The following RAB3GAP2 variants were observed in gnomAD, a reference collection of about 807,000 sequenced individuals.
RAB3GAP2 encodes the protein rab3 GTPase-activating protein non-catalytic subunit.
In RAB3GAP2, 87 loss-of-function variants were observed where a neutral mutation model predicts 185.3. The ratio of observed to expected loss-of-function variants is 0.47; its 90% CI spans 0.39 to 0.56. The LOEUF (loss-of-function observed/expected upper bound fraction) is 0.56. RAB3GAP2 is among the 20% of genes least tolerant of loss of function. RAB3GAP2 has a pLI of 0.00. For missense variants in RAB3GAP2, 1,492 were observed against 1,638.2 expected, an observed-to-expected ratio of 0.91 and a Z score of 1.54; for synonymous variants, 554 against 576.1, an observed-to-expected ratio of 0.96 and a Z score of 0.55.
chr1:220,168,430 T>C (rs183927852), intron 24 of RAB3GAP2, among the ~76,000 whole-genome samples: 267 of 150,404 alleles, frequency 1.8e-3, no homozygotes, highest in Admixed American at 5.0e-3. Flanking sequence ...AGAGTTTCGC[T>C]CTTGTTGTCC....
At position 220,171,958 on chromosome 1, in the gene RAB3GAP2, G is replaced by A. The variant is rs372012432; in HGVS notation, c.2508C>T (p.Ala836=). The change falls in exon 23 of 35, where the codon GCC becomes GCT. Residue 836 remains alanine, a synonymous_variant. Coordinates refer to ENST00000358951, the MANE Select transcript of RAB3GAP2 (RefSeq NM_012414.4). ...TACIQSENNG[A]ALLSAHVGHS... ...GCCCAACATGCGCAGACAACAGAGC[G>A]GCTCCATTGTTCTCAGACTGAATAC... 22 of 1,614,032 alleles carry A rather than the reference G, an allele frequency of 1.4e-5. No individual in the cohort carries two copies. The highest frequency in any genetic ancestry group is 6.6e-5 in the South Asian group (6 of 91,068).
chr1:220,183,558 C>G (rs938552921), intron 19 of RAB3GAP2, among the ~76,000 whole-genome samples: 3 of 151,850 alleles, frequency 2.0e-5, no homozygotes, highest in African/African-American at 7.3e-5. Context: ...TTGGCAAATG[C>G]TAGAATTTTA....
In RAB3GAP2 at chr1:220,151,269, T is replaced by G. The variant is rs748706137; in HGVS notation, c.4164A>C (p.Ile1388=). 19 of 1,613,890 alleles carry G rather than the reference T, an allele frequency of 1.2e-5. No individual in the cohort carries two copies. The highest frequency in any genetic ancestry group is 1.4e-5 in the Non-Finnish European group (17 of 1,179,972). Residue 1388 remains isoleucine, a synonymous_variant, in exon 35 of 35, where the codon ATA becomes ATC. Transcript: ENST00000358951. The part of the protein sequence containing the change: ...ALHLIEAVEA[I]SLPSL ...GTAAGTGTCATAAAGAAGGAAGAGA[T>G]ATGGCTTCCACAGCTTCAATGAGGT...
chr1:220,186,799 T>C (rs1658515603), intron 17 of RAB3GAP2, among the ~76,000 whole-genome samples: 1 of 152,178 alleles, frequency 6.6e-6, no homozygotes, highest in South Asian at 2.1e-4. Flanking sequence ...TTTTGCATTA[T>C]GCTGGTTTCC....
At chr1:220,195,695 C>A (rs78536292) in intron 10 of RAB3GAP2, among the ~76,000 whole-genome samples, 4 of 152,026 alleles carry the variant, frequency 2.6e-5, no homozygotes, top group African/African-American at 9.7e-5. Flanking sequence ...GGATTTCACA[C>A]CTACACATAA....
rs768777475 is a variant in RAB3GAP2, at chr1:220,167,497, A to G, written c.2980+5T>C. The G allele has an allele frequency of 6.2e-7, 1 of 1,614,118 alleles. No individual in the cohort carries two copies. Among genetic ancestry groups the G allele is most frequent in the African/African-American group, 1.3e-5 (1 of 75,048 alleles). ...ATTTCATATTTCTCATTATTTGTGT[A>G]TCACCTGGTATGGCTCCTAAGTCCA... On this transcript the variant is annotated splice_donor_5th_base_variant and intron_variant, in intron 25 of 34. Transcript: ENST00000358951.
Position 220,153,215 on chromosome 1 carries a change from G to A in RAB3GAP2, c.3837C>T (p.Tyr1279=), listed in dbSNP as rs1296674810. 1.2e-6 allele frequency: 2 copies of A among 1,613,676 alleles called. No homozygotes were observed. Among genetic ancestry groups the A allele is most frequent in the Non-Finnish European group, 1.7e-6 (2 of 1,179,716 alleles). The change falls in exon 33 of 35, where the codon TAC becomes TAT. Residue 1279 remains tyrosine, a synonymous_variant. Coordinates refer to ENST00000358951, the MANE Select transcript of RAB3GAP2 (RefSeq NM_012414.4). ...CTCCTAAGTGGTCAACTCCATAGTTGTATAGTTCCCCCACATAATGCCTTC... is the reference window on the plus strand; with the variant it reads ...CTCCTAAGTGGTCAACTCCATAGTTATATAGTTCCCCCACATAATGCCTTC... ...VVRRHYVGEL[Y]NYGVDHLGEE... is the part of the protein sequence containing the mutation.
At chr1:220,210,327 GGAGA>G in intron 7 of RAB3GAP2, 57 bp downstream of exon 7, 2 of 1,211,538 alleles carry the variant, frequency 1.7e-6, no homozygotes, top group Non-Finnish European at 2.5e-6. Flanking sequence ...CTAAAAAAGA[GGAGA>G]GAAACTGCTT....
chr1:220,151,699 C>A lies in RAB3GAP2; in HGVS notation c.3933G>T (p.Arg1311Ser), dbSNP rs371221673. 1.2e-6 allele frequency: 2 copies of A among 1,611,938 alleles called. No individual in the cohort carries two copies. The highest frequency in any genetic ancestry group is 8.5e-7 in the Non-Finnish European group (1 of 1,178,018). Reference protein sequence around the residue: ...ASQLLVLTGQRLAHALLHTQT... With the variant: ...ASQLLVLTGQSLAHALLHTQT... ...GGGTGTGGAGAAGCGCATGAGCCAG[C>A]CTTTGCCCCGTGAGCACCAGCAGCT... Residue 1311 changes from arginine to serine, a missense_variant, in exon 34 of 35, where the codon AGG (arginine) becomes AGT (serine). Physicochemically the swap from Arg to Ser is moderately radical, Grantham distance 110. Coordinates refer to ENST00000358951, the MANE Select transcript of RAB3GAP2 (RefSeq NM_012414.4).
At chr1:220,243,071 C>T (rs951522577) in intron 1 of RAB3GAP2, among the ~76,000 whole-genome samples, 5 of 152,054 alleles carry the variant, frequency 3.3e-5, no homozygotes, top group African/African-American at 1.2e-4. Context: ...AAAGATATAA[C>T]AGGCTGGGCA....
chr1:220,227,088 G>T (rs974307544), intron 2 of RAB3GAP2, among the ~76,000 whole-genome samples: 15 of 152,312 alleles, frequency 9.8e-5, no homozygotes, highest in African/African-American at 2.9e-4. Context: ...ATAAGTTTTT[G>T]TTGTTTAAGT....
intron 1 of RAB3GAP2, among the ~76,000 whole-genome samples, chr1:220,265,546 T>A (rs1660213158): frequency 6.6e-6 from 1 of 152,112 alleles, no homozygotes; most frequent in Non-Finnish European, 1.5e-5. Flanking sequence ...TTCAGAAAGT[T>A]CTGGTCTAGG....
At chr1:220,249,570 G>T (rs1415480282) in intron 1 of RAB3GAP2, among the ~76,000 whole-genome samples, 5 of 152,188 alleles carry the variant, frequency 3.3e-5, no homozygotes, top group Non-Finnish European at 4.4e-5. Context: ...GCAGGCTGCA[G>T]AAATTTGCAT....
chr1:220,202,678 C>T lies in RAB3GAP2; in HGVS notation c.713-304G>A, dbSNP rs560583624. 7.9e-5 allele frequency among the ~76,000 whole-genome samples: 12 copies of T among 152,296 alleles called. No homozygotes were observed. In the South Asian group the frequency reaches 1.9e-3, roughly 24 times the overall value. On this transcript the variant is annotated intron_variant, in intron 8 of 34. Transcript: ENST00000358951. ...GGAATTCAGGCCGGGCATGGTGGCT[C>T]ATGCCTGTAATCCCAGCACTTTGGG...
intron 2 of RAB3GAP2, among the ~76,000 whole-genome samples, chr1:220,231,417 C>T (rs1477701945): frequency 6.6e-6 from 1 of 152,204 alleles, no homozygotes; most frequent in Non-Finnish European, 1.5e-5. Context: ...ATCACATTAC[C>T]ATTTGAATTA....
chr1:220,173,704 G>A (rs1396347172), intron 21 of RAB3GAP2, among the ~76,000 whole-genome samples: 3 of 152,050 alleles, frequency 2.0e-5, no homozygotes, highest in Non-Finnish European at 4.4e-5. Flanking sequence ...AAGCTCATAC[G>A]GGAAAGCTAA....
intron 2 of RAB3GAP2, among the ~76,000 whole-genome samples, chr1:220,229,225 T>C (rs1259830336): frequency 6.6e-6 from 1 of 152,138 alleles, no homozygotes; most frequent in Non-Finnish European, 1.5e-5. Context: ...CTCATGAGTA[T>C]GAGAAATACA....
intron 7 of RAB3GAP2, among the ~76,000 whole-genome samples, chr1:220,206,631 A>G (rs1658973234): frequency 6.6e-6 from 1 of 152,198 alleles, no homozygotes; most frequent in Non-Finnish European, 1.5e-5. Context: ...GGTGAGACAT[A>G]GCAGATCAAA....
At position 220,170,943 on chromosome 1, in the gene RAB3GAP2, C is replaced by A. The variant is rs1176338129; in HGVS notation, c.2755G>T (p.Ala919Ser). Reference protein sequence around the residue: ...TQTSKVSSLQAEPLPRLSVKK... With the variant: ...TQTSKVSSLQSEPLPRLSVKK... ...ACAGAAAGCCTTGGAAGTGGCTCAG[C>A]CTGCAGTGATGACACTTTGGAGGTC... Residue 919 changes from alanine to serine, a missense_variant, in exon 24 of 35, where the codon GCT becomes TCT. Physicochemically the swap from Ala to Ser is moderately conservative, Grantham distance 99. Transcript: ENST00000358951. 1 of 1,614,154 alleles carries A rather than the reference C, an allele frequency of 6.2e-7. No individual in the cohort carries two copies. Among genetic ancestry groups the A allele is most frequent in the Non-Finnish European group, 8.5e-7 (1 of 1,179,992 alleles).
Sources: gnomAD v4.1 joint callset for allele counts (sites outside exome capture counted in the v4.1 genomes callset) on GRCh38, gnomAD v4.1.1 for gene constraint, MANE v1.5 for transcripts, NCBI Gene and HGNC (gene_info 2026-07-23, HGNC 2026-07-21) for gene names.